COL21A1: variants seen among roughly 807,000 people sequenced by gnomAD.
COL21A1 encodes the protein collagen type XXI alpha 1 chain, also known as collagen alpha-1(XXI) chain.
Under a neutral mutation model 137.9 loss-of-function variants are expected in COL21A1, and 149 were observed. The ratio of observed to expected loss-of-function variants is 1.08; its 90% CI spans 0.95 to 1.24. The LOEUF is 1.24. Among genes scored for constraint, COL21A1 ranks in the 50% most tolerant of loss-of-function variants. The pLI is 0.00. For synonymous variants in COL21A1, 456 were observed against 391.5 expected (o/e 1.16, Z -1.95); for missense variants, 1,167 against 1,158.4 (o/e 1.01, Z -0.11).
intron 1 of COL21A1, among the ~76,000 whole-genome samples, chr6:56,307,908 C>T (rs1764510026): frequency 6.6e-6 from 1 of 152,148 alleles, no homozygotes; most frequent in Non-Finnish European, 1.5e-5. Flanking sequence ...TAAATATTCA[C>T]AATAGCCAAG....
chr6:56,136,256 A>C (rs1582453784), intron 12 of COL21A1, among the ~76,000 whole-genome samples: 1 of 152,022 alleles, frequency 6.6e-6, no homozygotes, highest in African/African-American at 2.4e-5. Flanking sequence ...GGAGCAATAA[A>C]CCTTTGATTT....
At chr6:56,155,852 C>A (rs1352641159) in intron 10 of COL21A1, among the ~76,000 whole-genome samples, 2 of 152,178 alleles carry the variant, frequency 1.3e-5, no homozygotes, top group Non-Finnish European at 2.9e-5. Context: ...ATCCACCCAC[C>A]TAAGCCTTGT....
intron 1 of COL21A1, among the ~76,000 whole-genome samples, chr6:56,285,243 T>C (rs1763878282): frequency 6.6e-6 from 1 of 152,208 alleles, no homozygotes; most frequent in African/African-American, 2.4e-5. Context: ...GGAATAAGAC[T>C]CAGTGACAAT....
intron 17 of COL21A1, among the ~76,000 whole-genome samples, chr6:56,090,088 A>C (rs1336223901): frequency 6.6e-6 from 1 of 152,092 alleles, no homozygotes; most frequent in African/African-American, 2.4e-5. Flanking sequence ...AAAATACAAA[A>C]ATTAGCTGGG....
At chr6:56,322,273 C>T (rs181285793) in intron 1 of COL21A1, among the ~76,000 whole-genome samples, 8 of 152,260 alleles carry the variant, frequency 5.3e-5, no homozygotes, top group African/African-American at 1.9e-4. Context: ...TCCATAACAA[C>T]GCCCAACTAC....
intron 1 of COL21A1, among the ~76,000 whole-genome samples, chr6:56,385,468 T>C (rs2094016338): frequency 6.6e-6 from 1 of 152,166 alleles, no homozygotes; most frequent in Non-Finnish European, 1.5e-5. Context: ...CCTTCAAAGT[T>C]AGCAAAGGCA....
chr6:56,088,901 C>T (rs1344772795), intron 17 of COL21A1, among the ~76,000 whole-genome samples: 4 of 152,104 alleles, frequency 2.6e-5, no homozygotes, highest in Non-Finnish European at 4.4e-5. Context: ...ATCCCCCCAC[C>T]TCAGCCTCCT....
chr6:56,166,913 G>A lies in COL21A1; in HGVS notation c.1271C>T (p.Pro424Leu). The change falls in exon 7 of 30, where the codon CCT becomes CTT. Residue 424 changes from proline (P) to leucine (L), a missense_variant. Pro to Leu is a moderately conservative substitution (Grantham distance 98). Coordinates refer to ENST00000244728, the MANE Select transcript of COL21A1 (RefSeq NM_030820.4). Reference protein sequence around the residue: ...QNNRETACEIPGFNGECLNGP... With the variant: ...QNNRETACEILGFNGECLNGP... ...ACAATCCCTCCTACTTACAAATCCA[G>A]GAATCTCACATGCTGTCTCCCGGTT... 1 of 1,611,942 alleles carries A rather than the reference G, an allele frequency of 6.2e-7. No homozygotes were observed. The highest frequency in any genetic ancestry group is 8.5e-7 in the Non-Finnish European group (1 of 1,178,920).
intron 1 of COL21A1, among the ~76,000 whole-genome samples, chr6:56,319,129 G>A (rs907855845): frequency 6.6e-6 from 1 of 152,070 alleles, no homozygotes; most frequent in Non-Finnish European, 1.5e-5. Context: ...CTGGGACATC[G>A]CCCTCCTTTA....
At chr6:56,187,798 C>T (rs1778396895) in intron 1 of COL21A1, among the ~76,000 whole-genome samples, 1 of 152,178 alleles carries the variant, frequency 6.6e-6, no homozygotes, top group African/African-American at 2.4e-5. Flanking sequence ...ACAGAAACCA[C>T]TAGCAGTTTT....
chr6:56,153,207 T>C lies in COL21A1; in HGVS notation c.1434+3680A>G, dbSNP rs368323823. On this transcript the variant is annotated intron_variant, in intron 10 of 29. Coordinates refer to ENST00000244728, the MANE Select transcript of COL21A1 (RefSeq NM_030820.4). ...TTCCTTCAATTCAATTTCATTCAAA[T>C]AGAAGCTGTCTTATGATAATTCCCT... Among the ~76,000 whole-genome samples, 14 of 152,274 alleles carry C rather than the reference T, an allele frequency of 9.2e-5. No homozygotes were observed. The East Asian group carries it at 1.4e-3, about 15-fold the overall frequency.
chr6:56,168,813 TTCACCCCC>T lies in COL21A1; in HGVS notation c.1027-524_1027-517del, dbSNP rs377424129. ...ACTCATAGGTCTATTCTGGACATTTTTCACCCCCTCTTTGACTCATCCATTCCTCCAGG... is the reference window on the plus strand; with the variant it reads ...ACTCATAGGTCTATTCTGGACATTTTTCTTTGACTCATCCATTCCTCCAGG... On this transcript the variant is annotated intron_variant, in intron 5 of 29. Transcript: ENST00000244728. Among the ~76,000 whole-genome samples, 866 of 152,128 alleles carry T rather than the reference TTCACCCCC, an allele frequency of 5.7e-3. 6 individuals carry two copies. The highest frequency in any genetic ancestry group is 0.019 in the African/African-American group (776 of 41,552).
intron 1 of COL21A1, among the ~76,000 whole-genome samples, chr6:56,326,820 G>C (rs1053250900): frequency 3.9e-5 from 6 of 151,990 alleles, no homozygotes; most frequent in African/African-American, 1.4e-4. Context: ...ATCTTGACTA[G>C]ATTAGGAACA....
At chr6:56,337,956 CTTTTCT>C (rs1161542321) in intron 1 of COL21A1, among the ~76,000 whole-genome samples, 12 of 117,708 alleles carry the variant, frequency 1.0e-4, no homozygotes, top group East Asian at 9.9e-4. Context: ...CTTTTCTTTT[CTTTTCT>C]TTTTTTTTTT....
chr6:56,078,192 T>C (rs1213433819), intron 17 of COL21A1: 1 of 455,834 alleles, frequency 2.2e-6, no homozygotes, highest in Admixed American at 2.4e-5. Flanking sequence ...CACATGTCTG[T>C]AGCAACATTC....
intron 12 of COL21A1, among the ~76,000 whole-genome samples, chr6:56,141,049 A>C (rs1052579796): frequency 6.6e-6 from 1 of 152,186 alleles, no homozygotes; most frequent in Non-Finnish European, 1.5e-5. Flanking sequence ...CAATTATTTT[A>C]AGATGTACAA....
intron 1 of COL21A1, among the ~76,000 whole-genome samples, chr6:56,187,739 T>G (rs986059810): frequency 2.2e-5 from 2 of 89,864 alleles, no homozygotes; most frequent in Admixed American, 1.0e-4. Context: ...AGAAAAAACA[T>G]AAGAGAGTAT....
chr6:56,311,120 T>G (rs1205814412), intron 1 of COL21A1, among the ~76,000 whole-genome samples: 2 of 152,228 alleles, frequency 1.3e-5, no homozygotes, highest in Non-Finnish European at 2.9e-5. Flanking sequence ...TTCAAAACTC[T>G]TAATATTAGC....
chr6:56,379,633 A>G (rs571848512), intron 1 of COL21A1, among the ~76,000 whole-genome samples: 145 of 152,256 alleles, frequency 9.5e-4, no homozygotes, highest in Non-Finnish European at 1.6e-3. Context: ...CAAAAACTGT[A>G]ATTTTAAAGG....
Sources: allele counts gnomAD v4.1 joint callset (sites outside exome capture counted in the v4.1 genomes callset), GRCh38; gene constraint gnomAD v4.1.1; transcripts MANE v1.5; gene names NCBI Gene and HGNC (gene_info 2026-07-23, HGNC 2026-07-21).